The following GAB1 variants were observed in gnomAD, a reference collection of about 807,000 sequenced individuals.
GAB1 encodes GRB2 associated binding protein 1.
In GAB1, 19 loss-of-function variants were observed where a neutral mutation model predicts 66.5. The observed-to-expected ratio is 0.29, with a 90% CI of 0.20 to 0.42. The LOEUF (loss-of-function observed/expected upper bound fraction) is 0.42, where lower values mean the gene tolerates loss of function less well. GAB1 is among the 10% of genes least tolerant of loss of function. The probability of loss-of-function intolerance (pLI) is 1.00; values close to 1 mark genes in which losing one functional copy is unlikely to be tolerated. For missense variants in GAB1, 732 were observed against 858.5 expected (o/e 0.85, Z 1.84); for synonymous variants, 294 against 301.4 (o/e 0.98, Z 0.25).
intron 2 of GAB1, among the ~76,000 whole-genome samples, chr4:143,421,168 A>G (rs1160731483): frequency 6.6e-6 from 1 of 152,104 alleles, no homozygotes; most frequent in Non-Finnish European, 1.5e-5. Flanking sequence ...TGAACTTAGG[A>G]ACCATTGAAA....
chr4:143,454,273 G>A (rs902844150), intron 6 of GAB1, among the ~76,000 whole-genome samples: 3 of 152,182 alleles, frequency 2.0e-5, no homozygotes, highest in Non-Finnish European at 4.4e-5. Flanking sequence ...ATCTTGAAAT[G>A]TAATTCATTG....
chr4:143,428,118 A>C (rs1733460441), intron 2 of GAB1, among the ~76,000 whole-genome samples: 1 of 152,204 alleles, frequency 6.6e-6, no homozygotes, highest in Non-Finnish European at 1.5e-5. Context: ...GGATATTGGT[A>C]TAACCTTTAT....
At chr4:143,354,132 G>C (rs1279589621) in intron 1 of GAB1, among the ~76,000 whole-genome samples, 1 of 152,182 alleles carries the variant, frequency 6.6e-6, no homozygotes, top group East Asian at 1.9e-4. Flanking sequence ...CTAGACTCCT[G>C]TGACTTGTAC....
chr4:143,392,668 C>T (rs1731239989), intron 1 of GAB1, among the ~76,000 whole-genome samples: 1 of 152,026 alleles, frequency 6.6e-6, no homozygotes, highest in South Asian at 2.1e-4. Context: ...AGTTAATAAC[C>T]TACTCTTTAG....
chr4:143,394,080 T>G (rs1354599095), intron 1 of GAB1, among the ~76,000 whole-genome samples: 1 of 152,140 alleles, frequency 6.6e-6, no homozygotes, highest in Non-Finnish European at 1.5e-5. Flanking sequence ...GAGACCATCC[T>G]GGCTAACACG....
At position 143,472,224 on chromosome 4, in the gene GAB1, C is replaced by T. The variant is rs1229745728; in HGVS notation, c.*3035C>T. The T allele has an allele frequency of 6.6e-6, 1 of 152,086 alleles. No individual in the cohort carries two copies. The highest frequency in any genetic ancestry group is 1.5e-5 in the Non-Finnish European group (1 of 68,000). The allele number at this position is 152,086 out of a possible 1,614,324, so 9.4% of individuals were successfully genotyped here. ...ATCATTATCAATACTATATAAGTTA[C>T]TGTGAGCATTTTAGAGAATTCCATA... is the stretch of plus-strand genomic sequence containing the variant. On this transcript the variant is annotated 3_prime_UTR_variant, in exon 10 of 10. Coordinates refer to ENST00000262994, the MANE Select transcript of GAB1 (RefSeq NM_002039.4).
At chr4:143,391,048 C>A (rs1731165073) in intron 1 of GAB1, among the ~76,000 whole-genome samples, 1 of 152,226 alleles carries the variant, frequency 6.6e-6, no homozygotes, top group Non-Finnish European at 1.5e-5. Flanking sequence ...GGTATAATTT[C>A]TACCTGGATG....
rs3049720 is a variant in GAB1, at chr4:143,378,629, G to GTCTCTCTCTCTC, written c.73-36815_73-36804dup. On this transcript the variant is annotated intron_variant, in intron 1 of 9. Transcript: ENST00000262994. ...GACAGCCTATTGGAACTTCCAAAGTGTCTCTCTCTCTCTCTCTCTCTCTCT... is the reference window on the plus strand; with the variant it reads ...GACAGCCTATTGGAACTTCCAAAGTGTCTCTCTCTCTCTCTCTCTCTCTCTCTCTCTCTCTCT... Among the ~76,000 whole-genome samples, 241 of 129,226 alleles carry GTCTCTCTCTCTC rather than the reference G, an allele frequency of 1.9e-3. 3 individuals carry two copies. The highest frequency in any genetic ancestry group is 4.8e-3 in the African/African-American group (164 of 33,980). The allele number at this position is 129,226 out of a possible 152,430, so 84.8% of individuals were successfully genotyped here. A position where few individuals can be genotyped will look rare whatever the true frequency, so the allele number is the denominator to read the frequency against.
At chr4:143,424,853 G>T in intron 2 of GAB1, 1 of 414,100 alleles carries the variant, frequency 2.4e-6, no homozygotes, top group African/African-American at 2.0e-5. Flanking sequence ...TACTCGGGAG[G>T]CTGAGGCAGG....
chr4:143,412,681 G>A (rs756513820), intron 1 of GAB1, among the ~76,000 whole-genome samples: 11 of 152,094 alleles, frequency 7.2e-5, no homozygotes, highest in African/African-American at 9.7e-5. Flanking sequence ...CATTGAGGGT[G>A]GTCAGGGAAG....
intron 1 of GAB1, among the ~76,000 whole-genome samples, chr4:143,405,235 A>G (rs1731983006): frequency 6.6e-6 from 1 of 152,180 alleles, no homozygotes; most frequent in African/African-American, 2.4e-5. Context: ...ATATATAGAG[A>G]GAGAGAGAGA....
chr4:143,422,696 G>A lies in GAB1; in HGVS notation c.367+6925G>A, dbSNP rs61643501. Among the ~76,000 whole-genome samples, 4 of 152,134 alleles carry A rather than the reference G, an allele frequency of 2.6e-5. No individual in the cohort carries two copies. In the East Asian group the frequency reaches 7.7e-4, roughly 29 times the overall value. On this transcript the variant is annotated intron_variant, in intron 2 of 9. Transcript: ENST00000262994. ...GTGCATTAGGCTAGGGGTCATGTGG[G>A]CCAGTTTATTATTTGTGGATTTCAT...
At chr4:143,405,621 C>T (rs1191839930) in intron 1 of GAB1, among the ~76,000 whole-genome samples, 1 of 152,184 alleles carries the variant, frequency 6.6e-6, no homozygotes. Context: ...AGTTATCACC[C>T]ATGCCTTTTA....
At chr4:143,390,188 G>A (rs1182773937) in intron 1 of GAB1, among the ~76,000 whole-genome samples, 3 of 152,116 alleles carry the variant, frequency 2.0e-5, no homozygotes, top group Admixed American at 6.6e-5. Context: ...CCACTAAGCT[G>A]TTTCTCATTG....
At chr4:143,399,311 A>G (rs1207097122) in intron 1 of GAB1, among the ~76,000 whole-genome samples, 1 of 152,254 alleles carries the variant, frequency 6.6e-6, no homozygotes, top group African/African-American at 2.4e-5. Context: ...TCAAAAGTCC[A>G]AAGGTGCACA....
At chr4:143,346,298 C>T (rs547474622) in intron 1 of GAB1, among the ~76,000 whole-genome samples, 40 of 152,166 alleles carry the variant, frequency 2.6e-4, no homozygotes, top group Non-Finnish European at 5.3e-4. Flanking sequence ...TTTTTCTCTC[C>T]TGAAATGCAG....
At chr4:143,446,156 G>A (rs1271080508) in intron 6 of GAB1, among the ~76,000 whole-genome samples, 1 of 151,910 alleles carries the variant, frequency 6.6e-6, no homozygotes, top group Non-Finnish European at 1.5e-5. Flanking sequence ...GTATTCCATG[G>A]TGTATATGTG....
chr4:143,453,143 G>A (rs887932181), intron 6 of GAB1, among the ~76,000 whole-genome samples: 1 of 152,050 alleles, frequency 6.6e-6, no homozygotes, highest in South Asian at 2.1e-4. Flanking sequence ...GAGTTTGGAA[G>A]CATAGAGAAA....
In GAB1 at chr4:143,359,133, C is replaced by T. The variant is rs574313547; in HGVS notation, c.72+21873C>T. Among the ~76,000 whole-genome samples, 7 of 152,190 alleles carry T rather than the reference C, an allele frequency of 4.6e-5. No individual in the cohort carries two copies. In the South Asian group the frequency reaches 1.0e-3, roughly 23 times the overall value. ...TTAAACAGTACTTAAGGAGTGATGT[C>T]GTAAAGAACCCCAGCTGTCAGGTGC... is the stretch of plus-strand genomic sequence containing the variant. On this transcript the variant is annotated intron_variant, in intron 1 of 9. Transcript: ENST00000262994.
Sources: gnomAD v4.1 joint callset for allele counts (sites outside exome capture counted in the v4.1 genomes callset) on GRCh38, gnomAD v4.1.1 for gene constraint, MANE v1.5 for transcripts, NCBI Gene and HGNC (gene_info 2026-07-23, HGNC 2026-07-21) for gene names.